ITGA2: variants seen among roughly 807,000 people sequenced by gnomAD.
ITGA2 encodes the protein integrin subunit alpha 2.
A neutral mutation model predicts 146.3 loss-of-function variants in ITGA2; 101 were observed. That is an observed-to-expected ratio of 0.69 (90% confidence interval 0.59 to 0.81). The LOEUF (loss-of-function observed/expected upper bound fraction) is 0.81. Among genes scored for constraint, ITGA2 ranks in the 40% least tolerant of loss-of-function variants. ITGA2 has a pLI of 0.00. For synonymous variants in ITGA2, 477 were observed against 487.1 expected (o/e 0.98, Z 0.27); for missense variants, 1,281 against 1,402.7 (o/e 0.91, Z 1.39).
In ITGA2 at chr5:53,067,247, C is replaced by T. The variant is rs3212557; in HGVS notation, c.2073C>T (p.Asn691=). ...FSAKFRPTKQ[N]NQVAIVYNIT... is the part of the protein sequence containing the mutation. ...CAAAGTTCAGACCTACTAAGCAAAA[C>T]AATCAAGTGGGTGCGTAGATCTGAA... Residue 691 remains asparagine (N), a synonymous_variant, in exon 16 of 30, where the codon AAC becomes AAT. Transcript: ENST00000296585. 3 of 1,611,496 alleles carry T rather than the reference C, an allele frequency of 1.9e-6. No homozygotes were observed. The highest frequency in any genetic ancestry group is 2.5e-6 in the Non-Finnish European group (3 of 1,178,574).
At chr5:53,045,574 G>A (rs1225282458) in intron 4 of ITGA2, among the ~76,000 whole-genome samples, 2 of 152,094 alleles carry the variant, frequency 1.3e-5, no homozygotes, top group Non-Finnish European at 2.9e-5. Flanking sequence ...TCACTAATCA[G>A]TGAAATAGAA....
rs990470724 is a variant in ITGA2, at chr5:53,093,798, T to C, written c.*3199T>C. 1 of 152,618 alleles carries C rather than the reference T, an allele frequency of 6.6e-6. No individual in the cohort carries two copies. Among genetic ancestry groups the C allele is most frequent in the African/African-American group, 2.4e-5 (1 of 41,452 alleles). The allele number at this position is 152,618 out of a possible 1,614,324, so 9.5% of individuals were successfully genotyped here. A position where few individuals can be genotyped will look rare whatever the true frequency, so the allele number is the denominator to read the frequency against. ...AAGGTCTATAGAATGTGGTAAAAACTTGACTGCAACACAAGGCTTATAAAA... is the reference window on the plus strand; with the variant it reads ...AAGGTCTATAGAATGTGGTAAAAACCTGACTGCAACACAAGGCTTATAAAA... On this transcript the variant is annotated 3_prime_UTR_variant, in exon 30 of 30. Coordinates refer to ENST00000296585, the MANE Select transcript of ITGA2 (RefSeq NM_002203.4).
At chr5:53,070,849 C>T (rs1016486216) in intron 17 of ITGA2, among the ~76,000 whole-genome samples, 2 of 151,782 alleles carry the variant, frequency 1.3e-5, no homozygotes, top group African/African-American at 2.4e-5. Context: ...CCTTGGAAAC[C>T]ACATAATGGC....
chr5:53,012,001 T>C (rs1742157254), intron 1 of ITGA2, among the ~76,000 whole-genome samples: 1 of 152,140 alleles, frequency 6.6e-6, no homozygotes, highest in Non-Finnish European at 1.5e-5. Flanking sequence ...TACAAAGAAA[T>C]TGTCATGGTT....
intron 1 of ITGA2, among the ~76,000 whole-genome samples, chr5:53,018,150 G>A (rs566293250): frequency 6.6e-6 from 1 of 152,122 alleles, no homozygotes; most frequent in Non-Finnish European, 1.5e-5. Flanking sequence ...CCCATCCCAC[G>A]GGCAAGACTG....
intron 7 of ITGA2, among the ~76,000 whole-genome samples, chr5:53,052,062 C>CCACT (rs1248497077): frequency 6.6e-6 from 1 of 151,978 alleles, no homozygotes; most frequent in Non-Finnish European, 1.5e-5. Context: ...TTTCTCAGAT[C>CCACT]CACTGACCTT....
intron 1 of ITGA2, among the ~76,000 whole-genome samples, chr5:52,997,354 G>T (rs1223156792): frequency 1.3e-5 from 2 of 152,132 alleles, no homozygotes; most frequent in Admixed American, 1.3e-4. Flanking sequence ...GACAGTTTTT[G>T]CTACAGAAGC....
chr5:52,991,478 A>G (rs1302217893), intron 1 of ITGA2, among the ~76,000 whole-genome samples: 2 of 152,178 alleles, frequency 1.3e-5, no homozygotes, highest in Non-Finnish European at 2.9e-5. Context: ...ATCATATCAC[A>G]TACAAAAATT....
In ITGA2 at chr5:53,065,121, CCATGAG is replaced by C; in HGVS notation, c.1806+8_1806+13del. 1 of 1,611,386 alleles carries C rather than the reference CCATGAG, an allele frequency of 6.2e-7. No homozygotes were observed. Among genetic ancestry groups the C allele is most frequent in the Non-Finnish European group, 8.5e-7 (1 of 1,178,060 alleles). On this transcript the variant is annotated splice_region_variant and intron_variant, in intron 14 of 29. Coordinates refer to ENST00000296585, the MANE Select transcript of ITGA2 (RefSeq NM_002203.4). ...TCCGCACAAAGTATTCCCAGGTAAT[CCATGAG>C]CTGTTATGGTGATGTATGTATTTGT...
At chr5:53,069,112 C>G (rs1745270906) in intron 16 of ITGA2, among the ~76,000 whole-genome samples, 2 of 151,778 alleles carry the variant, frequency 1.3e-5, no homozygotes, top group South Asian at 4.2e-4. Flanking sequence ...GTATATACAA[C>G]CTTTAAAATA....
At chr5:53,064,005 C>T (rs1052652419) in intron 13 of ITGA2, among the ~76,000 whole-genome samples, 5 of 151,784 alleles carry the variant, frequency 3.3e-5, no homozygotes, top group African/African-American at 1.2e-4. Context: ...ACATTGCTTT[C>T]TTGTGAAGTC....
chr5:53,033,787 G>A lies in ITGA2; in HGVS notation c.185+6919G>A, dbSNP rs1283925031. Among the ~76,000 whole-genome samples, 15 of 145,826 alleles carry A rather than the reference G, an allele frequency of 1.0e-4. No homozygotes were observed. The South Asian group carries it at 3.3e-3, about 32-fold the overall frequency. On this transcript the variant is annotated intron_variant, in intron 2 of 29. Transcript: ENST00000296585. ...TAATTTTTTTTTTTTTTTTTGAGAC[G>A]GAGTCTCACTCTTTTGCCCAGGATG... is the stretch of plus-strand genomic sequence containing the variant.
chr5:53,090,236 T>C (rs1481187121), intron 29 of ITGA2, among the ~76,000 whole-genome samples, 174 bp downstream of exon 29: 1 of 152,226 alleles, frequency 6.6e-6, no homozygotes, highest in Non-Finnish European at 1.5e-5. Flanking sequence ...AGTAAGGATT[T>C]TTCTTCTTTT....
At chr5:53,027,068 A>G (rs1257082170) in intron 2 of ITGA2, among the ~76,000 whole-genome samples, 200 bp downstream of exon 2, 2 of 152,230 alleles carry the variant, frequency 1.3e-5, no homozygotes, top group African/African-American at 4.8e-5. Context: ...TCATTTTTAA[A>G]AACCTGGATA....
Position 53,074,455 on chromosome 5 carries a change from C to A in ITGA2, c.2642C>A (p.Pro881His). ...QKSVACDVGYPALKREQQVTF... is the reference protein window; with the variant it reads ...QKSVACDVGYHALKREQQVTF... ...TCTGTTGCCTGCGATGTAGGCTACC[C>A]TGCTTTAAAGAGAGAACAACAGGTA... Residue 881 changes from proline to histidine, a missense_variant, in exon 21 of 30, where the codon CCT becomes CAT. Physicochemically the swap from Pro to His is moderately conservative, Grantham distance 77 (BLOSUM62 -2). This residue lies in a region of ITGA2 where 475 missense variants were observed against 530.5 expected (regional missense o/e 0.90). Transcript: ENST00000296585. 1 of 1,612,106 alleles carries A rather than the reference C, an allele frequency of 6.2e-7. No homozygotes were observed. Among genetic ancestry groups the A allele is most frequent in the South Asian group, 1.1e-5 (1 of 91,062 alleles).
At chr5:53,051,007 T>C (rs1744332435) in intron 6 of ITGA2, among the ~76,000 whole-genome samples, 1 of 152,242 alleles carries the variant, frequency 6.6e-6, no homozygotes, top group Non-Finnish European at 1.5e-5. Context: ...ACTCTTCATC[T>C]GTGATTGCTT....
intron 21 of ITGA2, among the ~76,000 whole-genome samples, chr5:53,074,829 C>T (rs1178682581): frequency 5.9e-5 from 9 of 151,876 alleles, no homozygotes; most frequent in African/African-American, 1.7e-4. Context: ...CAGGTATATA[C>T]GCCTGGATAA....
chr5:53,000,575 T>A (rs1450592349), intron 1 of ITGA2, among the ~76,000 whole-genome samples: 1 of 152,188 alleles, frequency 6.6e-6, no homozygotes, highest in Non-Finnish European at 1.5e-5. Flanking sequence ...TATATTACTG[T>A]TTACTAATTT....
chr5:53,053,533 G>A (rs2910967), intron 7 of ITGA2, among the ~76,000 whole-genome samples: 1 of 152,084 alleles, frequency 6.6e-6, no homozygotes, highest in African/African-American at 2.4e-5. Flanking sequence ...TTTTTCCCTG[G>A]AAGGAGCCTG....
Sources: gnomAD v4.1 joint callset for allele counts (sites outside exome capture counted in the v4.1 genomes callset) on GRCh38, gnomAD v4.1.1 for gene constraint, gnomAD v4.1.1 regional missense constraint, MANE v1.5 for transcripts, NCBI Gene and HGNC (gene_info 2026-07-23, HGNC 2026-07-21) for gene names.